The following MAPKBP1 variants were observed in gnomAD, a reference collection of about 807,000 sequenced individuals.
MAPKBP1 encodes the protein mitogen-activated protein kinase-binding protein 1.
A neutral mutation model predicts 170.5 loss-of-function variants in MAPKBP1; 71 were observed. The observed-to-expected ratio is 0.42, with a 90% confidence interval of 0.34 to 0.51. The LOEUF (loss-of-function observed/expected upper bound fraction) is 0.51, where lower values mean the gene tolerates loss of function less well. MAPKBP1 is among the 20% of genes least tolerant of loss of function. The pLI is 0.06. For synonymous variants in MAPKBP1, 719 were observed against 757.9 expected, an observed-to-expected ratio of 0.95 and a Z score of 0.84; for missense variants, 1,598 against 1,933.0, an observed-to-expected ratio of 0.83 and a Z score of 3.25.
At chr15:41,812,676 A>G in intron 7 of MAPKBP1, 23 bp downstream of exon 7, 2 of 1,571,614 alleles carry the variant, frequency 1.3e-6, no homozygotes, top group South Asian at 1.2e-5. Flanking sequence ...AGCTGGGAGT[A>G]GCCACCAAGG....
rs1376876131 is a variant in MAPKBP1, at chr15:41,822,887, G to C, written c.3315-52G>C. ...CTATGAGTTTCTCGCCATTTTGGCA[G>C]GGAGGAGCATTGAGCCTTCTCTGGG... On this transcript the variant is annotated intron_variant, in intron 27 of 30. Transcript: ENST00000457542. 12 of 1,554,910 alleles carry C rather than the reference G, an allele frequency of 7.7e-6. No individual in the cohort carries two copies. In the East Asian group the frequency reaches 2.5e-4, roughly 32 times the overall value.
chr15:41,807,620 C>G (rs567321313), intron 3 of MAPKBP1, among the ~76,000 whole-genome samples: 2 of 152,310 alleles, frequency 1.3e-5, no homozygotes, highest in East Asian at 3.9e-4. Flanking sequence ...CAGGTCAGCA[C>G]AGATTGCAGG....
intron 5 of MAPKBP1, 90 bp from the exon 6 acceptor site, chr15:41,811,867 G>A: frequency 1.5e-6 from 2 of 1,340,790 alleles, no homozygotes; most frequent in South Asian, 2.5e-5. Context: ...TAGTAGCTGA[G>A]GAGGCGAGGG....
At position 41,774,522 on chromosome 15, in the gene MAPKBP1, A is replaced by C. The variant is rs911474154; in HGVS notation, c.-198A>C. The C allele has an allele frequency of 3.5e-5, 14 of 398,304 alleles. 1 individual carries two copies. Among genetic ancestry groups the C allele is most frequent in the Non-Finnish European group, 4.9e-5 (11 of 225,970 alleles). 24.7% of individuals were successfully genotyped at this position (398,304 alleles called of 1,614,324 possible). ...CACCATAGCTCCTGCTGCTGCCTCT[A>C]CCGCTGCGGCTACCGCGGCGGAGCT... On this transcript the variant is annotated 5_prime_UTR_variant, in exon 1 of 31. Coordinates refer to ENST00000457542, the MANE Select transcript of MAPKBP1 (RefSeq NM_014994.3).
chr15:41,813,267 T>C, intron 8 of MAPKBP1, 166 bp downstream of exon 8: 1 of 1,510,642 alleles, frequency 6.6e-7, no homozygotes, highest in East Asian at 2.3e-5. Context: ...CCCTTGGTGA[T>C]CTGTATAACT....
At chr15:41,824,342 A>G in intron 29 of MAPKBP1, 142 bp from the exon 30 acceptor site, 1 of 829,500 alleles carries the variant, frequency 1.2e-6, no homozygotes, top group East Asian at 2.7e-5. Flanking sequence ...GGCCGTTGGA[A>G]GAGAAGCCAA....
At chr15:41,786,800 A>G (rs1195982629) in intron 2 of MAPKBP1, among the ~76,000 whole-genome samples, 1 of 129,318 alleles carries the variant, frequency 7.7e-6, no homozygotes, top group Non-Finnish European at 1.6e-5. Context: ...ATATATATAT[A>G]TATAGGTATA....
chr15:41,821,173 C>T, intron 23 of MAPKBP1, 105 bp downstream of exon 23: 2 of 1,090,708 alleles, frequency 1.8e-6, no homozygotes, highest in Non-Finnish European at 2.8e-6. Flanking sequence ...TTGCTCTGCC[C>T]CTGTGGCACA....
At position 41,817,153 on chromosome 15, in the gene MAPKBP1, C is replaced by T. The variant is rs1043148909; in HGVS notation, c.1711+118C>T. 3.4e-6 allele frequency: 5 copies of T among 1,468,324 alleles called. No individual in the cohort carries two copies. In the East Asian group the frequency reaches 1.2e-4, roughly 34 times the overall value. 91.0% of individuals were successfully genotyped at this position (1,468,324 alleles called of 1,614,324 possible). A position where few individuals can be genotyped will look rare whatever the true frequency, so the allele number is the denominator to read the frequency against. ...GGAGTGTTGGACAGCAGCTGGGAGGCCTGGAGCTGGTTGGGAAGATAGGTG... is the reference window on the plus strand; with the variant it reads ...GGAGTGTTGGACAGCAGCTGGGAGGTCTGGAGCTGGTTGGGAAGATAGGTG... On this transcript the variant is annotated intron_variant, in intron 14 of 30. Transcript: ENST00000457542. The surrounding 1 kb of genome is among the most constrained non-coding windows in gnomAD (Gnocchi z 4.2).
At chr15:41,819,189 CCTCCTCTCCCCCTATTGAGT>C (rs1306885080) in intron 20 of MAPKBP1, 37 bp from the exon 21 acceptor site, 1 of 1,588,150 alleles carries the variant, frequency 6.3e-7, no homozygotes, top group East Asian at 2.3e-5. Context: ...CCCCACTGAG[CCTCCTCTCCCCCTATTGAGT>C]CTCCTCTCCC....
At chr15:41,788,474 A>C (rs1435495001) in intron 2 of MAPKBP1, among the ~76,000 whole-genome samples, 3 of 152,170 alleles carry the variant, frequency 2.0e-5, no homozygotes, top group African/African-American at 7.2e-5. Context: ...GAATGATGCA[A>C]ATTAGGTGCT....
At position 41,812,051 on chromosome 15, in the gene MAPKBP1, C is replaced by A; in HGVS notation, c.422C>A (p.Ala141Asp). ...QEHKYGVACVAFSPSAKYIVS... is the reference protein window; with the variant it reads ...QEHKYGVACVDFSPSAKYIVS... The stretch of plus-strand genomic sequence containing the variant: ...CACAAGTATGGTGTGGCTTGTGTGG[C>A]CTTCTCTCCTAGCGCCAAGTACATT... Residue 141 changes from alanine to aspartate, a missense_variant, in exon 6 of 31, where the codon GCC becomes GAC. By Grantham distance (126) the Ala-to-Asp change is moderately radical. Coordinates refer to ENST00000457542, the MANE Select transcript of MAPKBP1 (RefSeq NM_014994.3). The A allele has an allele frequency of 6.2e-7, 1 of 1,613,994 alleles. No individual in the cohort carries two copies. Among genetic ancestry groups the A allele is most frequent in the South Asian group, 1.1e-5 (1 of 91,072 alleles).
chr15:41,813,915 G>A (rs1431178068), intron 9 of MAPKBP1, 134 bp downstream of exon 9: 1 of 1,105,902 alleles, frequency 9.0e-7, no homozygotes, highest in East Asian at 2.8e-5. Flanking sequence ...TTAGACAGAA[G>A]AATTTGGGTT....
At chr15:41,819,973 G>A (rs2064966991) in intron 22 of MAPKBP1, among the ~76,000 whole-genome samples, 1 of 152,158 alleles carries the variant, frequency 6.6e-6, no homozygotes, top group Non-Finnish European at 1.5e-5. Flanking sequence ...AGCTCAAGGT[G>A]GAGAGGACAA....
At chr15:41,812,208 C>G in intron 6 of MAPKBP1, 81 bp downstream of exon 6, 5 of 1,530,834 alleles carry the variant, frequency 3.3e-6, no homozygotes, top group Non-Finnish European at 2.7e-6. Context: ...CTGACCTGCA[C>G]TGCTCCATTC....
At chr15:41,792,572 C>T (rs528283138) in intron 2 of MAPKBP1, among the ~76,000 whole-genome samples, 2 of 152,346 alleles carry the variant, frequency 1.3e-5, no homozygotes, top group African/African-American at 4.8e-5. Context: ...CTTCTTCCTT[C>T]TGAGTTTCCA....
rs2065141461 is a variant in MAPKBP1 at position 41,827,746 on chromosome 15, G to C, written c.*2310G>C. On this transcript the variant is annotated 3_prime_UTR_variant, in exon 31 of 31. Coordinates refer to ENST00000457542, the MANE Select transcript of MAPKBP1 (RefSeq NM_014994.3). ...TTTATAACTTTTATACTTTGTGCAG[G>C]TCGCGGCGCTTCCTGCCTCATCCTC... The C allele has an allele frequency of 1.0e-5, 2 of 197,742 alleles. No individual in the cohort carries two copies. Among genetic ancestry groups the C allele is most frequent in the African/African-American group, 2.3e-5 (1 of 43,142 alleles). 12.2% of individuals were successfully genotyped at this position (197,742 alleles called of 1,614,324 possible).
At chr15:41,782,575 G>C (rs1206255435) in intron 2 of MAPKBP1, among the ~76,000 whole-genome samples, 2 of 152,166 alleles carry the variant, frequency 1.3e-5, no homozygotes. Context: ...GAGGTCAGGT[G>C]AGTAGCTGGT....
chr15:41,802,963 G>A (rs1470980343), intron 3 of MAPKBP1, among the ~76,000 whole-genome samples: 1 of 152,192 alleles, frequency 6.6e-6, no homozygotes, highest in African/African-American at 2.4e-5. Context: ...CGGGACTACT[G>A]TCATACATGC....
Sources: gnomAD v4.1 joint callset for allele counts (sites outside exome capture counted in the v4.1 genomes callset) on GRCh38, gnomAD v4.1.1 for gene constraint, Gnocchi (gnomAD v3.1) non-coding constraint, MANE v1.5 for transcripts, NCBI Gene and HGNC (gene_info 2026-07-23, HGNC 2026-07-21) for gene names.